IL3RA: variants seen among roughly 807,000 people sequenced by gnomAD.
IL3RA encodes interleukin 3 receptor subunit alpha.
A neutral mutation model predicts 52.3 loss-of-function variants in IL3RA; 73 were observed. That is an observed-to-expected ratio of 1.40 (90% CI 1.16 to 1.70). The LOEUF (loss-of-function observed/expected upper bound fraction) is 1.70. IL3RA is among the 40% of genes most tolerant of loss of function. The pLI, the probability that IL3RA is intolerant of heterozygous loss-of-function variation, is 0.00. For synonymous variants in IL3RA, 260 were observed against 194.0 expected (o/e 1.34, Z -2.83); for missense variants, 664 against 504.4 (o/e 1.32, Z -3.03).
In IL3RA at chrX:1,345,307, C is replaced by A. The variant is rs1421173598; in HGVS notation, c.65-9C>A. On this transcript the variant is annotated splice_polypyrimidine_tract_variant and intron_variant, in intron 2 of 11. Coordinates refer to ENST00000331035, the MANE Select transcript of IL3RA (RefSeq NM_002183.4). ...TATCTCTTCGAACTCCAACCTGTCA[C>A]CGTTTTAGATCCAAACCCACCAATC... is the stretch of plus-strand genomic sequence containing the variant. The A allele has an allele frequency of 6.3e-7, 1 of 1,594,866 alleles. No individual in the cohort carries two copies. Among genetic ancestry groups the A allele is most frequent in the Admixed American group, 1.7e-5 (1 of 59,378 alleles).
chrX:1,359,168 G>A (rs1171967690), intron 8 of IL3RA, among the ~76,000 whole-genome samples: 1 of 151,986 alleles, frequency 6.6e-6, no homozygotes, highest in East Asian at 1.9e-4. Context: ...AGGTGTGAGA[G>A]CCAGATGCTA....
At chrX:1,343,666 C>CA (rs760518972) in intron 2 of IL3RA, among the ~76,000 whole-genome samples, 17,326 of 68,220 alleles carry the variant, frequency 0.25, 1,962 homozygotes, top group South Asian at 0.31. Flanking sequence ...GGCTCCATCT[C>CA]AAAAAAAAAA....
intron 9 of IL3RA, among the ~76,000 whole-genome samples, chrX:1,377,670 T>G (rs2088871702): frequency 1.3e-5 from 2 of 148,314 alleles, no homozygotes; most frequent in African/African-American, 2.5e-5. Flanking sequence ...GATGTATGTT[T>G]TTTTTTTTTT....
At chrX:1,340,588 TTG>T (rs1452855787) in intron 1 of IL3RA, among the ~76,000 whole-genome samples, 5 of 152,216 alleles carry the variant, frequency 3.3e-5, no homozygotes, top group Non-Finnish European at 7.3e-5. Context: ...GCATGTATAT[TTG>T]TGTATGCACA....
At chrX:1,366,236 G>C (rs867344733) in intron 9 of IL3RA, among the ~76,000 whole-genome samples, 2 of 21,034 alleles carry the variant, frequency 9.5e-5, no homozygotes, top group Non-Finnish European at 1.4e-4. Context: ...CGGGGTGAGC[G>C]GGGTGCGCGG....
In IL3RA at chrX:1,365,138, G is replaced by T. The variant is rs771823271; in HGVS notation, c.760G>T (p.Val254Phe). The T allele has an allele frequency of 7.5e-6, 12 of 1,606,070 alleles. No homozygotes were observed. In the Admixed American group the frequency reaches 2.0e-4, roughly 27 times the overall value. ...KRMQPVITEQ[V>F]RDRTSFQLLN... Reference sequence around the variant, plus strand: ...TTCTTTATTTTCTTTCAAACCACAGGTCAGAGACAGAACCTCCTTCCAGCT... The same window carrying T: ...TTCTTTATTTTCTTTCAAACCACAGTTCAGAGACAGAACCTCCTTCCAGCT... The change falls in exon 9 of 12, where the codon GTC becomes TTC. Residue 254 changes from valine to phenylalanine, a missense_variant and splice_region_variant. Coordinates refer to ENST00000331035, the MANE Select transcript of IL3RA (RefSeq NM_002183.4).
intron 7 of IL3RA, among the ~76,000 whole-genome samples, chrX:1,356,714 G>C (rs1182444413): frequency 2.0e-5 from 3 of 151,754 alleles, no homozygotes; most frequent in Non-Finnish European, 4.4e-5. Flanking sequence ...GGGGGTTGCA[G>C]TGAGCCGAGA....
At chrX:1,378,818 A>G in intron 10 of IL3RA, 54 bp downstream of exon 10, 19 of 1,419,064 alleles carry the variant, frequency 1.3e-5, no homozygotes, top group Non-Finnish European at 1.8e-5. Context: ...TGACCCTGAA[A>G]GTTATTCACA....
At chrX:1,370,885 C>A (rs1197961304) in intron 9 of IL3RA, among the ~76,000 whole-genome samples, 3 of 39,668 alleles carry the variant, frequency 7.6e-5, no homozygotes. Flanking sequence ...GGATCTCAGA[C>A]CTCCAGCCTC....
chrX:1,346,477 C>T (rs1436846089), intron 3 of IL3RA, among the ~76,000 whole-genome samples: 1 of 149,738 alleles, frequency 6.7e-6, no homozygotes, highest in Non-Finnish European at 1.5e-5. Context: ...TGTGGTGGCA[C>T]ATGCCTGTAA....
At chrX:1,365,095 C>T in intron 8 of IL3RA, 43 bp from the exon 9 acceptor site, 6 of 1,452,560 alleles carry the variant, frequency 4.1e-6, no homozygotes, top group Non-Finnish European at 5.8e-6. Context: ...AGTCATGAGC[C>T]ACCATACCTG....
At chrX:1,368,505 G>C (rs1156405536) in intron 9 of IL3RA, among the ~76,000 whole-genome samples, 3 of 152,162 alleles carry the variant, frequency 2.0e-5, no homozygotes, top group Non-Finnish European at 4.4e-5. Context: ...AGAATCGCTT[G>C]AATTGTGTTC....
intron 9 of IL3RA, among the ~76,000 whole-genome samples, chrX:1,368,604 G>C (rs1465492909): frequency 6.6e-6 from 1 of 152,138 alleles, no homozygotes; most frequent in Non-Finnish European, 1.5e-5. Flanking sequence ...AGGCGATTAA[G>C]GTAAAATGAG....
At chrX:1,364,790 T>TTATTTTA (rs1569525884) in intron 8 of IL3RA, among the ~76,000 whole-genome samples, 3 of 141,710 alleles carry the variant, frequency 2.1e-5, no homozygotes, top group Non-Finnish European at 3.1e-5. Context: ...TCTTTTCTTC[T>TTATTTTA]TTTATTTATT....
At chrX:1,380,108 G>T (rs2089071759) in intron 10 of IL3RA, among the ~76,000 whole-genome samples, 1 of 151,786 alleles carries the variant, frequency 6.6e-6, no homozygotes, top group South Asian at 2.1e-4. Context: ...TGATCAGGCT[G>T]GTCTTGAACT....
intron 10 of IL3RA, among the ~76,000 whole-genome samples, chrX:1,380,704 G>A (rs2089137561): frequency 6.9e-6 from 1 of 144,544 alleles, no homozygotes; most frequent in South Asian, 2.4e-4. Context: ...GGGAGGAAGA[G>A]GGGGACGAGG....
chrX:1,353,636 CAT>C (rs2086322083), intron 6 of IL3RA, among the ~76,000 whole-genome samples: 1 of 31,842 alleles, frequency 3.1e-5, no homozygotes, highest in Admixed American at 3.1e-4. Context: ...GGACCCCCCC[CAT>C]CATGGGTTCC....
intron 9 of IL3RA, among the ~76,000 whole-genome samples, chrX:1,377,036 G>A (rs2088798320): frequency 6.7e-6 from 1 of 148,808 alleles, no homozygotes; most frequent in Non-Finnish European, 1.5e-5. Flanking sequence ...GCCTGAGATG[G>A]ACTAAGACAT....
At chrX:1,349,807 C>T (rs2086000949) in intron 4 of IL3RA, among the ~76,000 whole-genome samples, 1 of 151,924 alleles carries the variant, frequency 6.6e-6, no homozygotes, top group African/African-American at 2.4e-5. Context: ...GGATTACAGG[C>T]ACCCGCCACC....
Sources: gnomAD v4.1 joint callset for allele counts (sites outside exome capture counted in the v4.1 genomes callset) on GRCh38, gnomAD v4.1.1 for gene constraint, MANE v1.5 for transcripts, NCBI Gene and HGNC (gene_info 2026-07-23, HGNC 2026-07-21) for gene names.